CCDC91: variants seen among roughly 807,000 people sequenced by gnomAD.
CCDC91 encodes coiled-coil domain-containing protein 91.
In CCDC91, 48 loss-of-function variants were observed where a neutral mutation model predicts 63.2. That is an observed-to-expected ratio of 0.76 (90% CI 0.60 to 0.97). The LOEUF (loss-of-function observed/expected upper bound fraction) is 0.97, where lower values mean the gene tolerates loss of function less well. Among genes scored for constraint, CCDC91 ranks in the 50% least tolerant of loss-of-function variants. The pLI, the probability that CCDC91 is intolerant of heterozygous loss-of-function variation, is 0.00. For missense variants in CCDC91, 500 were observed against 494.6 expected, an observed-to-expected ratio of 1.01 and a Z score of -0.10; for synonymous variants, 167 against 165.8, an observed-to-expected ratio of 1.01 and a Z score of -0.06.
rs1408805871 is a variant in CCDC91, at chr12:28,549,882, A to C, written c.*709A>C. The C allele has an allele frequency of 1.3e-5, 2 of 152,228 alleles. No individual in the cohort carries two copies. Among genetic ancestry groups the C allele is most frequent in the Admixed American group, 1.3e-4 (2 of 15,274 alleles). 9.4% of individuals were successfully genotyped at this position (152,228 alleles called of 1,614,324 possible). ...CAATAAAACCATTAGTCTACAAATC[A>C]AATTGTGAACTTAATCTCTAGAAAG... On this transcript the variant is annotated 3_prime_UTR_variant, in exon 13 of 13. Coordinates refer to ENST00000536442, the MANE Select transcript of CCDC91 (RefSeq NM_018318.5).
At chr12:28,380,011 T>G (rs527881228) in intron 7 of CCDC91, among the ~76,000 whole-genome samples, 15 of 152,298 alleles carry the variant, frequency 9.8e-5, no homozygotes, top group African/African-American at 3.6e-4. Flanking sequence ...AAGGATGAGT[T>G]CATGCCTTTG....
intron 8 of CCDC91, among the ~76,000 whole-genome samples, chr12:28,413,657 G>A (rs1404949862): frequency 6.6e-6 from 1 of 152,138 alleles, no homozygotes; most frequent in Non-Finnish European, 1.5e-5. Context: ...CTCTTTCTTA[G>A]TATAGCGTTG....
chr12:28,305,554 CCTCTATTT>C, intron 3 of CCDC91, 87 bp from the exon 4 acceptor site: 1 of 1,042,706 alleles, frequency 9.6e-7, no homozygotes, highest in South Asian at 2.3e-5. Context: ...TTTTTCTTTT[CCTCTATTT>C]CAGCTCTCTT....
At chr12:28,191,300 G>A (rs1941219383) in intron 1 of CCDC91, 1 of 152,278 alleles carries the variant, frequency 6.6e-6, no homozygotes, top group African/African-American at 2.4e-5. Flanking sequence ...TTTAAGGAGT[G>A]GAACTCTATT....
At chr12:28,387,434 G>T (rs1470264585) in intron 7 of CCDC91, among the ~76,000 whole-genome samples, 2 of 152,142 alleles carry the variant, frequency 1.3e-5, no homozygotes, top group Non-Finnish European at 2.9e-5. Context: ...AGTGGTATTT[G>T]GTTACAAGAG....
At chr12:28,359,985 C>T (rs1202113242) in intron 6 of CCDC91, among the ~76,000 whole-genome samples, 1 of 152,048 alleles carries the variant, frequency 6.6e-6, no homozygotes, top group African/African-American at 2.4e-5. Flanking sequence ...TAGTATATTA[C>T]AGGAATTTTC....
chr12:28,406,831 C>G (rs569252672), intron 8 of CCDC91, among the ~76,000 whole-genome samples: 1 of 118,642 alleles, frequency 8.4e-6, no homozygotes, highest in South Asian at 2.6e-4. Context: ...AATATCAATA[C>G]CCAACTCTTC....
intron 8 of CCDC91, among the ~76,000 whole-genome samples, chr12:28,428,103 A>G (rs1222970403): frequency 1.3e-5 from 2 of 152,186 alleles, no homozygotes; most frequent in African/African-American, 4.8e-5. Flanking sequence ...TTTTATTGAT[A>G]TAAGTACTTA....
intron 12 of CCDC91, among the ~76,000 whole-genome samples, chr12:28,502,070 T>C (rs946313376): frequency 2.0e-5 from 3 of 151,976 alleles, no homozygotes; most frequent in Non-Finnish European, 4.4e-5. Flanking sequence ...TATCATTTTT[T>C]ATTGCGTCTA....
rs1565960488 is a variant in CCDC91, at chr12:28,430,791, T to A, written c.763-19370T>A. Reference sequence around the variant, plus strand: ...GTGAAGGAAAGTTCCTTATGTAATTTGTGAGTTTAGATAAAATAAATAAAC... The same window carrying A: ...GTGAAGGAAAGTTCCTTATGTAATTAGTGAGTTTAGATAAAATAAATAAAC... On this transcript the variant is annotated intron_variant, in intron 8 of 12. Transcript: ENST00000536442. Among the ~76,000 whole-genome samples, 5 of 152,160 alleles carry A rather than the reference T, an allele frequency of 3.3e-5. No individual in the cohort carries two copies. In the South Asian group the frequency reaches 1.0e-3, roughly 32 times the overall value.
chr12:28,401,928 AGTCAAC>A (rs1946645798), intron 8 of CCDC91, among the ~76,000 whole-genome samples: 1 of 152,220 alleles, frequency 6.6e-6, no homozygotes, highest in Non-Finnish European at 1.5e-5. Flanking sequence ...GTGATGAGAC[AGTCAAC>A]GTTCTTCTCT....
chr12:28,500,435 T>C (rs1937674431), intron 12 of CCDC91, among the ~76,000 whole-genome samples: 2 of 152,182 alleles, frequency 1.3e-5, no homozygotes, highest in South Asian at 4.1e-4. Context: ...ATGTCCTGAA[T>C]GGTATTGCCT....
chr12:28,524,615 A>G (rs1941083688), intron 12 of CCDC91, among the ~76,000 whole-genome samples: 1 of 152,156 alleles, frequency 6.6e-6, no homozygotes, highest in Non-Finnish European at 1.5e-5. Flanking sequence ...CTGGCTTCAT[A>G]GAATGATTTA....
chr12:28,476,304 T>G (rs577937652), intron 11 of CCDC91, among the ~76,000 whole-genome samples: 2 of 152,110 alleles, frequency 1.3e-5, no homozygotes, highest in Admixed American at 6.6e-5. Flanking sequence ...AAACTAGAAC[T>G]CAGGATTAAG....
intron 1 of CCDC91, among the ~76,000 whole-genome samples, chr12:28,239,867 G>A (rs1387086246): frequency 6.6e-6 from 1 of 152,142 alleles, no homozygotes; most frequent in East Asian, 1.9e-4. Flanking sequence ...TGAAAACAGT[G>A]TGGGGGGATT....
intron 1 of CCDC91, among the ~76,000 whole-genome samples, chr12:28,194,261 C>T (rs908852842): frequency 2.6e-5 from 4 of 152,144 alleles, no homozygotes; most frequent in African/African-American, 9.7e-5. Flanking sequence ...CTCTCTTTCT[C>T]TCTCTGTGTG....
At chr12:28,480,532 A>G (rs182741769) in intron 11 of CCDC91, among the ~76,000 whole-genome samples, 8 of 152,172 alleles carry the variant, frequency 5.3e-5, no homozygotes, top group Admixed American at 3.3e-4. Context: ...TGACAAATGA[A>G]TGTATGAACA....
At chr12:28,502,080 A>G (rs1424694777) in intron 12 of CCDC91, among the ~76,000 whole-genome samples, 1 of 151,798 alleles carries the variant, frequency 6.6e-6, no homozygotes, top group African/African-American at 2.4e-5. Context: ...TATTGCGTCT[A>G]TTTGATTCTT....
chr12:28,523,249 T>G (rs1233391462), intron 12 of CCDC91, among the ~76,000 whole-genome samples: 3 of 152,182 alleles, frequency 2.0e-5, no homozygotes, highest in Non-Finnish European at 2.9e-5. Context: ...TTTATGAATC[T>G]GGGTGCTCCT....
Sources: gnomAD v4.1 joint callset for allele counts (sites outside exome capture counted in the v4.1 genomes callset) on GRCh38, gnomAD v4.1.1 for gene constraint, MANE v1.5 for transcripts, NCBI Gene and HGNC (gene_info 2026-07-23, HGNC 2026-07-21) for gene names.